CNTNAP2: variants seen among roughly 807,000 people sequenced by gnomAD.
CNTNAP2 encodes the protein contactin-associated protein-like 2.
In CNTNAP2, 98 loss-of-function variants were observed where a neutral mutation model predicts 155.2. The ratio of observed to expected loss-of-function variants is 0.63; its 90% CI spans 0.54 to 0.75. The LOEUF is 0.75. CNTNAP2 is among the 30% of genes least tolerant of loss of function. The pLI is 0.00. For synonymous variants in CNTNAP2, 651 were observed against 631.2 expected (o/e 1.03, Z -0.47); for missense variants, 1,727 against 1,688.1 (o/e 1.02, Z -0.40).
chr7:147,678,792 A>G (rs1049106581), intron 13 of CNTNAP2, among the ~76,000 whole-genome samples: 4 of 151,962 alleles, frequency 2.6e-5, no homozygotes, highest in Non-Finnish European at 5.9e-5. Context: ...AAAAACACAT[A>G]TATTTACTAC....
intron 11 of CNTNAP2, among the ~76,000 whole-genome samples, chr7:147,494,149 C>A (rs941213145): frequency 1.3e-5 from 2 of 152,168 alleles, no homozygotes; most frequent in African/African-American, 4.8e-5. Context: ...CTCTCATATT[C>A]ATCTGGCACC....
At chr7:146,265,593 G>A (rs1269625275) in intron 1 of CNTNAP2, among the ~76,000 whole-genome samples, 1 of 151,674 alleles carries the variant, frequency 6.6e-6, no homozygotes, top group Non-Finnish European at 1.5e-5. Context: ...TGAGTAGCTG[G>A]GATTACAGGC....
chr7:147,065,117 A>G (rs1046899631), intron 4 of CNTNAP2, among the ~76,000 whole-genome samples: 2 of 152,204 alleles, frequency 1.3e-5, no homozygotes, highest in Non-Finnish European at 2.9e-5. Context: ...AGCCCTGTCC[A>G]AATTCCAGCT....
intron 17 of CNTNAP2, among the ~76,000 whole-genome samples, chr7:148,165,775 G>A (rs898386147): frequency 2.6e-5 from 4 of 151,936 alleles, no homozygotes; most frequent in African/African-American, 9.7e-5. Flanking sequence ...ATCAAATTGT[G>A]CCTGGCATCA....
chr7:146,705,684 A>G (rs1359383629), intron 1 of CNTNAP2, among the ~76,000 whole-genome samples: 4 of 152,156 alleles, frequency 2.6e-5, no homozygotes, highest in South Asian at 2.1e-4. Flanking sequence ...GACGTCTTAC[A>G]TGGTGGCAGG....
At chr7:147,550,490 T>A (rs1278484973) in intron 11 of CNTNAP2, among the ~76,000 whole-genome samples, 3 of 152,228 alleles carry the variant, frequency 2.0e-5, no homozygotes, top group Non-Finnish European at 4.4e-5. Context: ...CCCAGCTATG[T>A]GGAACTGGGA....
At chr7:146,610,571 A>G (rs1799119874) in intron 1 of CNTNAP2, among the ~76,000 whole-genome samples, 1 of 152,180 alleles carries the variant, frequency 6.6e-6, no homozygotes, top group South Asian at 2.1e-4. Flanking sequence ...TTAATTTAAT[A>G]TTCTACTATC....
Position 146,596,199 on chromosome 7 carries a change from C to T in CNTNAP2, c.98-178072C>T, listed in dbSNP as rs867251892. ...CCACATAGATTTTCAGTCACTGTTA[C>T]ATTCAGTAAATAGAATGTAACAATA... is the stretch of plus-strand genomic sequence containing the variant. On this transcript the variant is annotated intron_variant, in intron 1 of 23. Coordinates refer to ENST00000361727, the MANE Select transcript of CNTNAP2 (RefSeq NM_014141.6). Among the ~76,000 whole-genome samples the T allele has an allele frequency of 6.6e-5, 10 of 151,986 alleles. No homozygotes were observed. In the South Asian group the frequency reaches 1.9e-3, roughly 28 times the overall value.
intron 1 of CNTNAP2, among the ~76,000 whole-genome samples, chr7:146,546,239 T>A (rs1798027556): frequency 6.6e-6 from 1 of 151,918 alleles, no homozygotes; most frequent in Non-Finnish European, 1.5e-5. Flanking sequence ...AATTTTGAAA[T>A]TGACTTGGTA....
chr7:148,221,427 G>A (rs1795746326), intron 19 of CNTNAP2, among the ~76,000 whole-genome samples: 1 of 152,136 alleles, frequency 6.6e-6, no homozygotes, highest in Non-Finnish European at 1.5e-5. Context: ...CCCACCGGCT[G>A]TACTCTCCAG....
At chr7:147,086,445 A>G (rs1584830229) in intron 4 of CNTNAP2, among the ~76,000 whole-genome samples, 1 of 151,188 alleles carries the variant, frequency 6.6e-6, no homozygotes, top group East Asian at 1.9e-4. Context: ...ATTTTTTTAA[A>G]TTACTTTTTT....
intron 9 of CNTNAP2, among the ~76,000 whole-genome samples, chr7:147,379,357 G>A (rs1034323164): frequency 5.9e-5 from 9 of 151,954 alleles, no homozygotes; most frequent in South Asian, 2.1e-4. Flanking sequence ...TATTCCATGC[G>A]GTGTTTCTGC....
chr7:146,799,486 C>T (rs17522339), intron 2 of CNTNAP2, among the ~76,000 whole-genome samples: 5,671 of 152,208 alleles, frequency 0.037, 168 homozygotes, highest in South Asian at 0.059. Flanking sequence ...TATGCACATT[C>T]GAGTTTAGTA....
intron 1 of CNTNAP2, among the ~76,000 whole-genome samples, chr7:146,662,556 C>G (rs1003831300): frequency 1.3e-5 from 2 of 151,948 alleles, no homozygotes; most frequent in Admixed American, 6.6e-5. Flanking sequence ...AAATATTTTC[C>G]CCACACTGTG....
intron 1 of CNTNAP2, among the ~76,000 whole-genome samples, chr7:146,699,985 A>G (rs1471828566): frequency 6.6e-6 from 1 of 152,100 alleles, no homozygotes; most frequent in Non-Finnish European, 1.5e-5. Context: ...AAGAAAAAGA[A>G]GGAAATATTC....
intron 15 of CNTNAP2, among the ~76,000 whole-genome samples, chr7:148,077,691 T>A (rs1411429475): frequency 6.6e-6 from 1 of 152,230 alleles, no homozygotes; most frequent in Non-Finnish European, 1.5e-5. Context: ...ATTACACATT[T>A]TGACTGAATT....
intron 1 of CNTNAP2, among the ~76,000 whole-genome samples, chr7:146,556,870 A>G (rs1164545462): frequency 6.6e-6 from 1 of 152,070 alleles, no homozygotes; most frequent in Non-Finnish European, 1.5e-5. Flanking sequence ...CTTCCAGTAC[A>G]GTTAATTCCA....
intron 1 of CNTNAP2, among the ~76,000 whole-genome samples, chr7:146,414,994 A>T (rs1445773006): frequency 2.0e-5 from 3 of 151,814 alleles, no homozygotes; most frequent in African/African-American, 7.3e-5. Context: ...AATGACTAAT[A>T]CTTGTAAAAA....
chr7:148,125,287 G>A (rs1372897185), intron 16 of CNTNAP2, among the ~76,000 whole-genome samples: 2 of 151,800 alleles, frequency 1.3e-5, no homozygotes, highest in Non-Finnish European at 2.9e-5. Context: ...AGGTTCAGGG[G>A]TACATGTGCA....
Sources: allele counts gnomAD v4.1 joint callset (sites outside exome capture counted in the v4.1 genomes callset), GRCh38; gene constraint gnomAD v4.1.1; transcripts MANE v1.5; gene names NCBI Gene and HGNC (gene_info 2026-07-23, HGNC 2026-07-21).